Variants in ENAH observed in about 807,000 individuals in gnomAD.
ENAH encodes ENAH actin regulator, also known as protein enabled homolog.
Under a neutral mutation model 78.7 loss-of-function variants are expected in ENAH, and 23 were observed. That is an observed-to-expected ratio of 0.29 (90% CI 0.21 to 0.41). The LOEUF is 0.41. ENAH is among the 10% of genes least tolerant of loss of function. The probability of loss-of-function intolerance (pLI) is 1.00; values close to 1 mark genes in which losing one functional copy is unlikely to be tolerated. For synonymous variants in ENAH, 226 were observed against 241.0 expected (o/e 0.94, Z 0.58); for missense variants, 544 against 691.0 (o/e 0.79, Z 2.39).
chr1:225,515,788 T>A (rs1041692435), intron 6 of ENAH, among the ~76,000 whole-genome samples: 2 of 152,188 alleles, frequency 1.3e-5, no homozygotes, highest in Non-Finnish European at 2.9e-5. Context: ...ACATCAATTG[T>A]TAAAAGAAGC....
At chr1:225,610,055 C>G (rs947518384) in intron 1 of ENAH, among the ~76,000 whole-genome samples, 3 of 151,614 alleles carry the variant, frequency 2.0e-5, no homozygotes, top group Non-Finnish European at 4.4e-5. Context: ...ATTTTTAAAT[C>G]ATGCTCTAAT....
At chr1:225,633,651 C>T (rs558588624) in intron 1 of ENAH, among the ~76,000 whole-genome samples, 1 of 152,216 alleles carries the variant, frequency 6.6e-6, no homozygotes, top group Non-Finnish European at 1.5e-5. Flanking sequence ...ACAGCAATGA[C>T]GACATGAATC....
intron 3 of ENAH, among the ~76,000 whole-genome samples, chr1:225,541,680 A>C (rs1328743479): frequency 6.6e-6 from 1 of 152,158 alleles, no homozygotes; most frequent in African/African-American, 2.4e-5. Context: ...CCATTTTGAA[A>C]AGTATTAGAG....
chr1:225,567,976 C>T (rs2096742964), intron 1 of ENAH, among the ~76,000 whole-genome samples: 1 of 152,118 alleles, frequency 6.6e-6, no homozygotes, highest in South Asian at 2.1e-4. Context: ...CATGGAGTGG[C>T]CGCTAACAAC....
intron 3 of ENAH, among the ~76,000 whole-genome samples, chr1:225,549,581 T>C (rs1298598686): frequency 1.3e-5 from 2 of 152,230 alleles, no homozygotes; most frequent in Non-Finnish European, 2.9e-5. Context: ...AGTGACCTTC[T>C]GTAAGTGCCA....
intron 1 of ENAH, among the ~76,000 whole-genome samples, chr1:225,584,166 G>T (rs1192690476): frequency 1.3e-5 from 2 of 152,152 alleles, no homozygotes; most frequent in Non-Finnish European, 2.9e-5. Context: ...AACAAAAAAG[G>T]TAAATACAGG....
At chr1:225,571,751 T>C (rs905263678) in intron 1 of ENAH, among the ~76,000 whole-genome samples, 7 of 152,186 alleles carry the variant, frequency 4.6e-5, no homozygotes, top group African/African-American at 1.7e-4. Context: ...CATGCTTATG[T>C]AATGAAACTT....
chr1:225,521,985 C>A (rs927398284), intron 4 of ENAH, among the ~76,000 whole-genome samples: 2 of 151,988 alleles, frequency 1.3e-5, no homozygotes, highest in Non-Finnish European at 2.9e-5. Context: ...TTAGTAGAGA[C>A]GGGGTTTCAC....
At chr1:225,507,325 CA>C (rs1216055446) in intron 11 of ENAH, among the ~76,000 whole-genome samples, 2 of 151,654 alleles carry the variant, frequency 1.3e-5, no homozygotes, top group Admixed American at 1.3e-4. Context: ...AAAAAGGCTC[CA>C]AAAATTATAT....
At position 225,495,668 on chromosome 1, in the gene ENAH, A is replaced by T. The variant is rs1459508337; in HGVS notation, c.*2107T>A. 2 of 152,480 alleles carry T rather than the reference A, an allele frequency of 1.3e-5. No individual in the cohort carries two copies. The highest frequency in any genetic ancestry group is 4.8e-5 in the African/African-American group (2 of 41,412). 9.4% of individuals were successfully genotyped at this position (152,480 alleles called of 1,614,324 possible). ...AAAATCAAAAGAGGTTGCTGACCAG[A>T]TTTATAGGGGACATAACTGTTTATA... On this transcript the variant is annotated 3_prime_UTR_variant, in exon 14 of 14. Coordinates refer to ENST00000366843, the MANE Select transcript of ENAH (RefSeq NM_018212.6).
intron 1 of ENAH, among the ~76,000 whole-genome samples, chr1:225,651,100 C>T (rs986177380): frequency 4.6e-5 from 7 of 152,006 alleles, no homozygotes; most frequent in African/African-American, 1.7e-4. Context: ...AAACATACGA[C>T]TCAAAGTTTT....
At chr1:225,570,820 AG>A (rs1357788083) in intron 1 of ENAH, among the ~76,000 whole-genome samples, 3 of 151,678 alleles carry the variant, frequency 2.0e-5, no homozygotes, top group Non-Finnish European at 4.4e-5. Context: ...AAAATTAGCC[AG>A]GTCTGGTGGC....
intron 1 of ENAH, among the ~76,000 whole-genome samples, chr1:225,607,216 G>A (rs929596279): frequency 1.3e-5 from 2 of 151,990 alleles, no homozygotes; most frequent in African/African-American, 2.4e-5. Flanking sequence ...TAACAACAAC[G>A]ACAGCTGATG....
chr1:225,611,319 C>T (rs190824789), intron 1 of ENAH, among the ~76,000 whole-genome samples: 10 of 151,956 alleles, frequency 6.6e-5, no homozygotes, highest in African/African-American at 2.2e-4. Context: ...TATTTATTTA[C>T]GTATTTATTT....
At chr1:225,589,728 A>T (rs1239599502) in intron 1 of ENAH, among the ~76,000 whole-genome samples, 1 of 152,206 alleles carries the variant, frequency 6.6e-6, no homozygotes, top group Non-Finnish European at 1.5e-5. Context: ...ATGGAGAGAC[A>T]GATGTGTGAT....
intron 2 of ENAH, among the ~76,000 whole-genome samples, chr1:225,560,877 G>A (rs960041647): frequency 2.6e-5 from 4 of 152,244 alleles, no homozygotes; most frequent in African/African-American, 4.8e-5. Flanking sequence ...GCTAGAAAAA[G>A]TTGTGGAAAA....
intron 4 of ENAH, among the ~76,000 whole-genome samples, chr1:225,527,726 C>T (rs944063012): frequency 2.0e-4 from 30 of 152,262 alleles, no homozygotes; most frequent in Admixed American, 9.8e-4. Flanking sequence ...TCACATTGCA[C>T]GTGTGTTTGC....
intron 1 of ENAH, among the ~76,000 whole-genome samples, chr1:225,586,404 T>C (rs2096847168): frequency 6.6e-6 from 1 of 152,018 alleles, no homozygotes; most frequent in Non-Finnish European, 1.5e-5. Flanking sequence ...CACTAGTGAA[T>C]TGTGTCAAAT....
chr1:225,625,192 T>C (rs1657726515), intron 1 of ENAH, among the ~76,000 whole-genome samples: 2 of 152,192 alleles, frequency 1.3e-5, no homozygotes, highest in Admixed American at 1.3e-4. Context: ...TTTTAAAAGC[T>C]AGGGTATAAG....
Sources: allele counts gnomAD v4.1 joint callset (sites outside exome capture counted in the v4.1 genomes callset), GRCh38; gene constraint gnomAD v4.1.1; transcripts MANE v1.5; gene names NCBI Gene and HGNC (gene_info 2026-07-23, HGNC 2026-07-21).